The following RAD50 variants were observed in gnomAD, a reference collection of about 807,000 sequenced individuals.
RAD50 encodes DNA repair protein RAD50.
RAD50 carries 132 observed loss-of-function variants against 168.8 expected under a neutral mutation model. The ratio of observed to expected loss-of-function variants is 0.78; its 90% CI spans 0.68 to 0.90. The LOEUF is 0.90. Ranked by LOEUF, RAD50 falls within the 40% of genes least tolerant of loss-of-function variation. The pLI, the probability that RAD50 is intolerant of heterozygous loss-of-function variation, is 0.00. For missense variants in RAD50, 1,347 were observed against 1,534.4 expected (o/e 0.88, Z 2.04); for synonymous variants, 525 against 497.4 (o/e 1.06, Z -0.74).
At chr5:132,636,979 C>T in intron 21 of RAD50, 136 bp from the exon 22 acceptor site, 1 of 745,200 alleles carries the variant, frequency 1.3e-6, no homozygotes, top group Non-Finnish European at 1.7e-6. Flanking sequence ...CTATATTCTA[C>T]TTTTACCATT....
At chr5:132,577,299 A>G (rs1750417030) in intron 3 of RAD50, among the ~76,000 whole-genome samples, 1 of 152,150 alleles carries the variant, frequency 6.6e-6, no homozygotes. Context: ...CCTCTCTCAC[A>G]TTAAAGGACC....
Position 132,643,725 on chromosome 5 carries a change from T to TTG in RAD50, c.*1361_*1362insTG. ...GAGTATCCTGGGGGTGGTGGTGGGG[T>TTG]GGGGGGGGGTCCTAAATGTAATCAC... is the stretch of plus-strand genomic sequence containing the variant. On this transcript the variant is annotated 3_prime_UTR_variant, in exon 25 of 25. Coordinates refer to ENST00000378823, the MANE Select transcript of RAD50 (RefSeq NM_005732.4). The TTG allele has an allele frequency of 9.9e-6, 1 of 101,010 alleles. No individual in the cohort carries two copies. Among genetic ancestry groups the TTG allele is most frequent in the South Asian group, 4.0e-4 (1 of 2,512 alleles). 6.3% of individuals were successfully genotyped at this position (101,010 alleles called of 1,614,324 possible). A position where few individuals can be genotyped will look rare whatever the true frequency, so the allele number is the denominator to read the frequency against.
chr5:132,564,527 A>G (rs1309251520), intron 2 of RAD50, among the ~76,000 whole-genome samples: 2 of 152,180 alleles, frequency 1.3e-5, no homozygotes. Flanking sequence ...GTATATGCTC[A>G]TATGTGCAAG....
At chr5:132,585,937 T>C (rs962074428) in intron 5 of RAD50, among the ~76,000 whole-genome samples, 1 of 152,180 alleles carries the variant, frequency 6.6e-6, no homozygotes, top group Admixed American at 6.5e-5. Context: ...TTATCAGATA[T>C]TGGTTTTGCA....
intron 16 of RAD50, among the ~76,000 whole-genome samples, chr5:132,605,339 C>T (rs1053793498): frequency 1.3e-5 from 2 of 151,962 alleles, no homozygotes; most frequent in Non-Finnish European, 1.5e-5. Context: ...CAGCATGCCC[C>T]GCCCCATTCT....
intron 2 of RAD50, among the ~76,000 whole-genome samples, chr5:132,566,825 AGTC>A (rs1750217824): frequency 1.3e-5 from 2 of 152,210 alleles, no homozygotes; most frequent in Admixed American, 1.3e-4. Context: ...AAATTTCTGT[AGTC>A]ACGTAGTGAC....
At chr5:132,578,649 C>T (rs1008851224) in intron 3 of RAD50, among the ~76,000 whole-genome samples, 1 of 150,442 alleles carries the variant, frequency 6.6e-6, no homozygotes, top group African/African-American at 2.4e-5. Context: ...GCCTCAGCCT[C>T]CCAAGGAGCT....
chr5:132,638,461 T>C (rs1313795552), intron 23 of RAD50, among the ~76,000 whole-genome samples: 1 of 151,278 alleles, frequency 6.6e-6, no homozygotes. Flanking sequence ...CAGGATAGGC[T>C]AAATGTAGAA....
chr5:132,606,872 A>G (rs1223927500), intron 16 of RAD50, among the ~76,000 whole-genome samples: 1 of 152,216 alleles, frequency 6.6e-6, no homozygotes, highest in South Asian at 2.1e-4. Flanking sequence ...CAAAAACCAC[A>G]TGATTATCCC....
chr5:132,572,547 A>G (rs1444995867), intron 2 of RAD50, among the ~76,000 whole-genome samples: 1 of 152,208 alleles, frequency 6.6e-6, no homozygotes, highest in African/African-American at 2.4e-5. Flanking sequence ...TGAAGTGACC[A>G]TATTAATATA....
intron 10 of RAD50, among the ~76,000 whole-genome samples, chr5:132,591,609 A>G (rs1489143684): frequency 3.3e-5 from 5 of 152,168 alleles, no homozygotes; most frequent in African/African-American, 4.8e-5. Context: ...ATGTATATAT[A>G]TGTATATACA....
chr5:132,642,445 A>G lies in RAD50; in HGVS notation c.*81A>G. On this transcript the variant is annotated 3_prime_UTR_variant, in exon 25 of 25. Transcript: ENST00000378823. ...AGAAACTTATTTCTCATATCAACTT[A>G]GTCAATAAGAAAATATATTCTTTCA... 8.0e-7 allele frequency: 1 copy of G among 1,248,686 alleles called. No homozygotes were observed. The highest frequency in any genetic ancestry group is 1.1e-6 in the Non-Finnish European group (1 of 877,674). The allele number at this position is 1,248,686 out of a possible 1,614,324, so 77.4% of individuals were successfully genotyped here. A position where few individuals can be genotyped will look rare whatever the true frequency, so the allele number is the denominator to read the frequency against.
chr5:132,576,367 A>G (rs943611043), intron 3 of RAD50, among the ~76,000 whole-genome samples: 1 of 152,188 alleles, frequency 6.6e-6, no homozygotes, highest in Non-Finnish European at 1.5e-5. Flanking sequence ...AAAGAATGAT[A>G]AATTGTTCCT....
intron 24 of RAD50, among the ~76,000 whole-genome samples, chr5:132,641,332 C>T (rs185056695): frequency 6.7e-4 from 102 of 152,064 alleles, no homozygotes; most frequent in Admixed American, 2.1e-3. Context: ...TCAGTGTAGA[C>T]GCCAAGGTTG....
intron 13 of RAD50, among the ~76,000 whole-genome samples, chr5:132,599,759 A>G (rs1029902828): frequency 6.6e-6 from 1 of 151,942 alleles, no homozygotes; most frequent in Non-Finnish European, 1.5e-5. Context: ...TGGGAAAGCA[A>G]TTGCCTAAGA....
Position 132,643,713 on chromosome 5 carries a change from G to T in RAD50, c.*1349G>T, listed in dbSNP as rs1751788200. 1 of 217,346 alleles carries T rather than the reference G, an allele frequency of 4.6e-6. No individual in the cohort carries two copies. Among genetic ancestry groups the T allele is most frequent in the East Asian group, 6.4e-5 (1 of 15,738 alleles). The allele number at this position is 217,346 out of a possible 1,614,324, so 13.5% of individuals were successfully genotyped here. The stretch of plus-strand genomic sequence containing the variant: ...GACCTTAAGACAGAGTATCCTGGGG[G>T]TGGTGGTGGGGTGGGGGGGGGTCCT... On this transcript the variant is annotated 3_prime_UTR_variant, in exon 25 of 25. Transcript: ENST00000378823.
At chr5:132,615,064 T>C (rs1275107959) in intron 19 of RAD50, among the ~76,000 whole-genome samples, 1 of 152,186 alleles carries the variant, frequency 6.6e-6, no homozygotes, top group African/African-American at 2.4e-5. Flanking sequence ...TGAGAAATCC[T>C]TACTCCAAAT....
chr5:132,570,079 A>T (rs1233959061), intron 2 of RAD50, among the ~76,000 whole-genome samples: 4 of 152,238 alleles, frequency 2.6e-5, no homozygotes, highest in Non-Finnish European at 5.9e-5. Flanking sequence ...ACGCATTTCA[A>T]TTTAATAGTC....
chr5:132,592,621 C>T (rs1156693973), intron 11 of RAD50: 1 of 269,626 alleles, frequency 3.7e-6, no homozygotes, highest in Non-Finnish European at 7.7e-6. Context: ...TTCTTCGGCC[C>T]TCCAGAAAGT....
Sources: allele counts gnomAD v4.1 joint callset (sites outside exome capture counted in the v4.1 genomes callset), GRCh38; gene constraint gnomAD v4.1.1; transcripts MANE v1.5; gene names NCBI Gene and HGNC (gene_info 2026-07-23, HGNC 2026-07-21).